UACA: variants seen among roughly 807,000 people sequenced by gnomAD.
The protein encoded by UACA is uveal autoantigen with coiled-coil domains and ankyrin repeats, also known as nuclear membrane binding protein.
A neutral mutation model predicts 160.5 loss-of-function variants in UACA; 112 were observed. The observed-to-expected ratio is 0.70, with a 90% CI of 0.60 to 0.82. The LOEUF is 0.82. Ranked by LOEUF, UACA falls within the 40% of genes least tolerant of loss-of-function variation. The pLI, the probability that UACA is intolerant of heterozygous loss-of-function variation, is 0.00. For missense variants in UACA, 1,574 were observed against 1,614.6 expected, an observed-to-expected ratio of 0.97 and a Z score of 0.43; for synonymous variants, 557 against 568.4, an observed-to-expected ratio of 0.98 and a Z score of 0.29.
At chr15:70,755,296 C>T (rs2030351381) in intron 1 of UACA, among the ~76,000 whole-genome samples, 1 of 151,878 alleles carries the variant, frequency 6.6e-6, no homozygotes, top group Non-Finnish European at 1.5e-5. Context: ...GAAGATGAAA[C>T]TTTCATGACT....
At chr15:70,692,872 CT>C (rs928235635) in intron 3 of UACA, among the ~76,000 whole-genome samples, 4 of 152,160 alleles carry the variant, frequency 2.6e-5, no homozygotes, top group Admixed American at 2.0e-4. Flanking sequence ...AATAAATTGG[CT>C]TTCAACTCTC....
the UACA span, among the ~76,000 whole-genome samples, chr15:70,777,437 G>A: frequency 6.6e-6 from 1 of 152,114 alleles, no homozygotes; most frequent in African/African-American, 2.4e-5. Context: ...GTCACCAAAC[G>A]AGGAAATATA....
chr15:70,716,430 C>G (rs938566404), intron 1 of UACA, among the ~76,000 whole-genome samples: 15 of 152,138 alleles, frequency 9.9e-5, no homozygotes, highest in African/African-American at 3.4e-4. Context: ...TGCTGACCTA[C>G]GAAGTCATCA....
At chr15:70,704,989 C>T (rs140074908) in intron 1 of UACA, among the ~76,000 whole-genome samples, 6 of 152,196 alleles carry the variant, frequency 3.9e-5, no homozygotes, top group Admixed American at 3.9e-4. Context: ...TGGCGTTTGT[C>T]GTATTTGAAT....
chr15:70,659,303 T>C (rs1896594763), intron 18 of UACA, among the ~76,000 whole-genome samples: 1 of 151,772 alleles, frequency 6.6e-6, no homozygotes, highest in Non-Finnish European at 1.5e-5. Context: ...AGTATCTTTC[T>C]TTTTATTATT....
chr15:70,755,549 A>T (rs1006884719), intron 1 of UACA, among the ~76,000 whole-genome samples: 3 of 152,160 alleles, frequency 2.0e-5, no homozygotes, highest in Admixed American at 6.5e-5. Flanking sequence ...AGGAGCCTGT[A>T]GTACCAGCTA....
intron 17 of UACA, among the ~76,000 whole-genome samples, chr15:70,662,882 A>C (rs375559060): frequency 6.6e-6 from 1 of 152,140 alleles, no homozygotes; most frequent in African/African-American, 2.4e-5. Context: ...TAAAGACTTA[A>C]ATGTTATACC....
At chr15:70,774,209 T>C in the UACA span, among the ~76,000 whole-genome samples, 1 of 152,184 alleles carries the variant, frequency 6.6e-6, no homozygotes, top group Admixed American at 6.5e-5. Context: ...ATCCTAGTTT[T>C]ATGAATGATG....
At chr15:70,749,794 T>C (rs1204532531) in intron 1 of UACA, among the ~76,000 whole-genome samples, 2 of 152,022 alleles carry the variant, frequency 1.3e-5, no homozygotes, top group Non-Finnish European at 2.9e-5. Flanking sequence ...AAGTTAAACT[T>C]TCAAGGGTAT....
chr15:70,691,391 G>A, intron 3 of UACA, 28 bp from the exon 4 acceptor site: 1 of 1,527,548 alleles, frequency 6.5e-7, no homozygotes, highest in Non-Finnish European at 9.0e-7. Flanking sequence ...TACATGTGAA[G>A]GATTATTTTC....
At chr15:70,675,947 C>T (rs1369024405) in intron 13 of UACA, among the ~76,000 whole-genome samples, 1 of 152,160 alleles carries the variant, frequency 6.6e-6, no homozygotes, top group Non-Finnish European at 1.5e-5. Context: ...ACTTTCCAGC[C>T]TCCAGAAATG....
chr15:70,688,671 A>T (rs901147232), intron 5 of UACA, among the ~76,000 whole-genome samples: 3 of 152,182 alleles, frequency 2.0e-5, no homozygotes, highest in African/African-American at 7.2e-5. Flanking sequence ...GTCCAATTAT[A>T]AATGAGAATT....
chr15:70,673,587 C>A (rs982156471), intron 13 of UACA, among the ~76,000 whole-genome samples: 17 of 152,154 alleles, frequency 1.1e-4, no homozygotes, highest in African/African-American at 3.9e-4. Flanking sequence ...GGGTGCTATG[C>A]ACATAAGGAG....
Position 70,725,713 on chromosome 15 carries a change from A to G in UACA, c.79-26053T>C, listed in dbSNP as rs574281571. Among the ~76,000 whole-genome samples the G allele has an allele frequency of 3.9e-5, 6 of 152,302 alleles. No individual in the cohort carries two copies. The South Asian group carries it at 1.2e-3, about 32-fold the overall frequency. ...TCATTGAACCAAAAAATAAAAACCA[A>G]GAGTGGGGATACAAATGTACCTGAG... On this transcript the variant is annotated intron_variant, in intron 1 of 18. Coordinates refer to ENST00000322954, the MANE Select transcript of UACA (RefSeq NM_018003.4).
intron 1 of UACA, among the ~76,000 whole-genome samples, chr15:70,762,336 T>A (rs1435518850): frequency 6.6e-6 from 1 of 152,262 alleles, no homozygotes; most frequent in African/African-American, 2.4e-5. Flanking sequence ...TGCGTTGAAT[T>A]GTAAAGGTTC....
intron 1 of UACA, among the ~76,000 whole-genome samples, chr15:70,705,195 G>T (rs535948621): frequency 6.6e-6 from 1 of 151,944 alleles, no homozygotes; most frequent in African/African-American, 2.4e-5. Flanking sequence ...TATTTAGTTT[G>T]CTTTAATATC....
Position 70,668,596 on chromosome 15 carries a change from C to A in UACA, c.2088G>T (p.Gln696His). The change falls in exon 16 of 19, where the codon CAG becomes CAT. Residue 696 changes from glutamine to histidine, a missense_variant. By Grantham distance (24) the Gln-to-His change is conservative. Transcript: ENST00000322954. ...TCTTCTTCCCAAGTTCTCCTGATTT[C>A]TGTTCTAATCTGCTCTTAACCTGTT... ...EHEQVKSRLE[Q>H]KSGELGKKIT... 6.2e-7 allele frequency: 1 copy of A among 1,613,574 alleles called. No homozygotes were observed.
chr15:70,675,563 C>T (rs905682356), intron 13 of UACA, among the ~76,000 whole-genome samples: 6 of 152,198 alleles, frequency 3.9e-5, no homozygotes, highest in African/African-American at 1.4e-4. Context: ...ATTCTAATCT[C>T]TAACATCATA....
chr15:70,709,414 A>C lies in UACA; in HGVS notation c.79-9754T>G, dbSNP rs191801716. The stretch of plus-strand genomic sequence containing the variant: ...TCTAACTGGATAACGTTAAACTCTA[A>C]ATCAACATAAAAGAAATCACAAGTT... On this transcript the variant is annotated intron_variant, in intron 1 of 18. Coordinates refer to ENST00000322954, the MANE Select transcript of UACA (RefSeq NM_018003.4). 7.8e-4 allele frequency among the ~76,000 whole-genome samples: 119 copies of C among 152,330 alleles called. 1 individual carries two copies. The highest frequency in any genetic ancestry group is 3.4e-3 in the Middle Eastern group (1 of 294).
Sources: allele counts gnomAD v4.1 joint callset (sites outside exome capture counted in the v4.1 genomes callset), GRCh38; gene constraint gnomAD v4.1.1; transcripts MANE v1.5; gene names NCBI Gene and HGNC (gene_info 2026-07-23, HGNC 2026-07-21).